The following UGT1A8 variants were observed in gnomAD, a reference collection of about 807,000 sequenced individuals.
The protein encoded by UGT1A8 is UDP glucuronosyltransferase family 1 member A8, also known as UDP-glucuronosyltransferase 1A8.
Under a neutral mutation model 45.3 loss-of-function variants are expected in UGT1A8, and 39 were observed. That is an observed-to-expected ratio of 0.86 (90% CI 0.67 to 1.12). The LOEUF is 1.12. UGT1A8 is among the 50% of genes most tolerant of loss of function. UGT1A8 has a pLI of 0.00. For synonymous variants in UGT1A8, 275 were observed against 249.2 expected, an observed-to-expected ratio of 1.10 and a Z score of -0.97; for missense variants, 719 against 664.9, an observed-to-expected ratio of 1.08 and a Z score of -0.90.
intron 1 of UGT1A8, among the ~76,000 whole-genome samples, chr2:233,619,060 G>T (rs545144459): frequency 1.1e-4 from 17 of 152,140 alleles, no homozygotes; most frequent in African/African-American, 3.9e-4. Context: ...TAAGTTTTCT[G>T]ACCCCTAGAG....
chr2:233,714,306 T>C (rs1288766736), intron 1 of UGT1A8, among the ~76,000 whole-genome samples: 1 of 152,124 alleles, frequency 6.6e-6, no homozygotes, highest in East Asian at 1.9e-4. Context: ...TTGCAAAAGA[T>C]AGAGAGGTGA....
intron 1 of UGT1A8, among the ~76,000 whole-genome samples, chr2:233,735,381 C>G (rs1160790318): frequency 6.6e-6 from 1 of 152,068 alleles, no homozygotes; most frequent in Non-Finnish European, 1.5e-5. Context: ...TCCTCCATCC[C>G]TTTATTTTGA....
rs145219670 is a variant in UGT1A8 at position 233,646,383 on chromosome 2, C to T, written c.855+27821C>T. Reference sequence around the variant, plus strand: ...CATTACTTATGGAAATTTCTGCAGCCGGCTTAAATTTCTCCTCAGAAAATG... The same window carrying T: ...CATTACTTATGGAAATTTCTGCAGCTGGCTTAAATTTCTCCTCAGAAAATG... On this transcript the variant is annotated intron_variant, in intron 1 of 4. Transcript: ENST00000373450. Among the ~76,000 whole-genome samples the T allele has an allele frequency of 1.8e-3, 275 of 152,318 alleles. 1 individual carries two copies. Among genetic ancestry groups the T allele is most frequent in the African/African-American group, 5.7e-3 (235 of 41,576 alleles).
At chr2:233,770,624 C>T (rs544443196) in intron 4 of UGT1A8, 1 of 151,460 alleles carries the variant, frequency 6.6e-6, no homozygotes, top group African/African-American at 2.4e-5. Flanking sequence ...TGCCACTCCA[C>T]TCCAGCCTGG....
At chr2:233,771,903 G>C (rs937853722) in intron 4 of UGT1A8, among the ~76,000 whole-genome samples, 1 of 151,428 alleles carries the variant, frequency 6.6e-6, no homozygotes, top group Non-Finnish European at 1.5e-5. Context: ...AACCTTTCAG[G>C]TGATAATAGT....
At chr2:233,639,244 G>A (rs368292208) in intron 1 of UGT1A8, among the ~76,000 whole-genome samples, 1 of 152,108 alleles carries the variant, frequency 6.6e-6, no homozygotes, top group African/African-American at 2.4e-5. Flanking sequence ...ATCTATTAAA[G>A]AATATACACA....
At chr2:233,741,922 TG>T (rs1282682556) in intron 1 of UGT1A8, 2 of 151,910 alleles carry the variant, frequency 1.3e-5, no homozygotes, top group Non-Finnish European at 2.9e-5. Flanking sequence ...GGTCTTCATT[TG>T]GGGCATAACC....
chr2:233,760,435 C>G (rs2125984030), intron 1 of UGT1A8: 1 of 1,614,234 alleles, frequency 6.2e-7, no homozygotes, highest in Non-Finnish European at 8.5e-7. Flanking sequence ...CATCCAGCAG[C>G]TGCAGCAGAG....
At chr2:233,692,921 T>C in intron 1 of UGT1A8, 1 of 1,571,738 alleles carries the variant, frequency 6.4e-7, no homozygotes, top group Non-Finnish European at 8.6e-7. Flanking sequence ...AAAGCAGTGG[T>C]TAGTTTAGGG....
chr2:233,660,578 T>C (rs1307416384), intron 1 of UGT1A8, among the ~76,000 whole-genome samples: 2 of 152,232 alleles, frequency 1.3e-5, no homozygotes, highest in Non-Finnish European at 2.9e-5. Flanking sequence ...AGCTGGCGTT[T>C]ATTTTTTCCC....
At chr2:233,713,933 C>T (rs2076357446) in intron 1 of UGT1A8, 1 of 1,611,438 alleles carries the variant, frequency 6.2e-7, no homozygotes, top group Non-Finnish European at 8.5e-7. Context: ...CTTACAAGTG[C>T]TTCCATATCT....
chr2:233,650,170 A>G (rs1279406882), intron 1 of UGT1A8, among the ~76,000 whole-genome samples: 2 of 152,068 alleles, frequency 1.3e-5, no homozygotes, highest in Non-Finnish European at 2.9e-5. Flanking sequence ...GGGTTTCTCC[A>G]TGTTGGTCAG....
Position 233,743,607 on chromosome 2 carries a change from A to G in UGT1A8, c.856-23427A>G, listed in dbSNP as rs531629615. 1.8e-5 allele frequency: 24 copies of G among 1,367,342 alleles called. No homozygotes were observed. In the East Asian group the frequency reaches 1.0e-3, roughly 57 times the overall value. 84.7% of individuals were successfully genotyped at this position (1,367,342 alleles called of 1,614,324 possible). A position where few individuals can be genotyped will look rare whatever the true frequency, so the allele number is the denominator to read the frequency against. The stretch of plus-strand genomic sequence containing the variant: ...AAGGAGAATGGGTCCTGGCCGCCGA[A>G]GAACTCCCTGAAGACGTCGGCTGGG... On this transcript the variant is annotated intron_variant, in intron 1 of 4. Transcript: ENST00000373450.
intron 1 of UGT1A8, among the ~76,000 whole-genome samples, chr2:233,619,447 C>A (rs550484762): frequency 1.6e-4 from 24 of 152,036 alleles, no homozygotes; most frequent in Admixed American, 3.9e-4. Flanking sequence ...TTGCTTTTAT[C>A]TTAGTAGACT....
At chr2:233,619,584 A>G (rs1327137507) in intron 1 of UGT1A8, among the ~76,000 whole-genome samples, 1 of 152,208 alleles carries the variant, frequency 6.6e-6, no homozygotes, top group East Asian at 1.9e-4. Flanking sequence ...TTATATACAT[A>G]AATAAAAATT....
chr2:233,758,811 C>A (rs371004333), intron 1 of UGT1A8, among the ~76,000 whole-genome samples: 1 of 152,184 alleles, frequency 6.6e-6, no homozygotes, highest in East Asian at 1.9e-4. Flanking sequence ...TATAGTACAG[C>A]AGTATATCCC....
intron 1 of UGT1A8, among the ~76,000 whole-genome samples, chr2:233,630,110 G>A (rs2073160893): frequency 6.6e-6 from 1 of 151,352 alleles, no homozygotes; most frequent in African/African-American, 2.4e-5. Flanking sequence ...AACCAGCTTT[G>A]GTTTCATTAA....
chr2:233,722,354 A>G (rs2077008868), intron 1 of UGT1A8, among the ~76,000 whole-genome samples: 2 of 152,262 alleles, frequency 1.3e-5, no homozygotes, highest in African/African-American at 4.8e-5. Flanking sequence ...CTACAAATAT[A>G]CAAGACTAAA....
chr2:233,699,619 T>C (rs1164168014), intron 1 of UGT1A8, among the ~76,000 whole-genome samples: 1 of 152,202 alleles, frequency 6.6e-6, no homozygotes, highest in African/African-American at 2.4e-5. Flanking sequence ...AGGAATAGAA[T>C]GCAAGCTCAG....
Sources: gnomAD v4.1 joint callset for allele counts (sites outside exome capture counted in the v4.1 genomes callset) on GRCh38, gnomAD v4.1.1 for gene constraint, MANE v1.5 for transcripts, NCBI Gene and HGNC (gene_info 2026-07-23, HGNC 2026-07-21) for gene names.